The following DLG2 variants were observed in gnomAD, a reference collection of about 807,000 sequenced individuals.
DLG2 encodes disks large homolog 2.
Under a neutral mutation model 132.5 loss-of-function variants are expected in DLG2, and 45 were observed. The ratio of observed to expected loss-of-function variants is 0.34; its 90% CI spans 0.27 to 0.44. DLG2 has a LOEUF of 0.44. Ranked by LOEUF, DLG2 falls within the 20% of genes least tolerant of loss-of-function variation. The pLI, the probability that DLG2 is intolerant of heterozygous loss-of-function variation, is 1.00. For missense variants in DLG2, 1,045 were observed against 1,196.9 expected (o/e 0.87, Z 1.87); for synonymous variants, 424 against 419.6 (o/e 1.01, Z -0.13).
At chr11:85,336,913 C>T (rs912830280) in intron 3 of DLG2, among the ~76,000 whole-genome samples, 6 of 152,238 alleles carry the variant, frequency 3.9e-5, no homozygotes, top group Non-Finnish European at 8.8e-5. Context: ...CTCTAGCATT[C>T]ATCCATAGGC....
chr11:84,683,836 A>G (rs1393432575), intron 6 of DLG2, among the ~76,000 whole-genome samples: 3 of 152,178 alleles, frequency 2.0e-5, no homozygotes, highest in Non-Finnish European at 2.9e-5. Context: ...GAGGCCCTTA[A>G]TGCAAATAAG....
intron 3 of DLG2, among the ~76,000 whole-genome samples, chr11:85,418,974 A>C (rs2090083019): frequency 6.6e-6 from 1 of 152,092 alleles, no homozygotes; most frequent in Non-Finnish European, 1.5e-5. Context: ...TCCTGTCATT[A>C]TGATGCTAGC....
chr11:84,613,903 C>T (rs1321631921), intron 6 of DLG2, among the ~76,000 whole-genome samples: 2 of 152,124 alleles, frequency 1.3e-5, no homozygotes, highest in Non-Finnish European at 2.9e-5. Flanking sequence ...AAGTTGGAGG[C>T]AGTCACTGAT....
intron 7 of DLG2, among the ~76,000 whole-genome samples, chr11:84,331,105 T>C (rs1175552847): frequency 6.6e-6 from 1 of 152,230 alleles, no homozygotes; most frequent in Non-Finnish European, 1.5e-5. Flanking sequence ...CAGAAGCATC[T>C]GCAGTTTCTT....
At chr11:83,520,674 GAC>G in intron 21 of DLG2, among the ~76,000 whole-genome samples, 1 of 145,614 alleles carries the variant, frequency 6.9e-6, no homozygotes, top group East Asian at 2.0e-4. Context: ...TAGAAAGAAA[GAC>G]AGACAGGTAA....
chr11:85,102,497 A>T (rs971591598), intron 6 of DLG2, among the ~76,000 whole-genome samples: 1 of 152,114 alleles, frequency 6.6e-6, no homozygotes, highest in South Asian at 2.1e-4. Context: ...AGGGCTTCTT[A>T]ATATTCTCAA....
At chr11:84,634,702 C>G (rs2099637633) in intron 6 of DLG2, among the ~76,000 whole-genome samples, 1 of 152,080 alleles carries the variant, frequency 6.6e-6, no homozygotes, top group African/African-American at 2.4e-5. Context: ...TTAATTTATC[C>G]AAAGTTATCC....
chr11:84,789,014 G>C (rs1367439496), intron 6 of DLG2, among the ~76,000 whole-genome samples: 1 of 152,162 alleles, frequency 6.6e-6, no homozygotes, highest in Non-Finnish European at 1.5e-5. Flanking sequence ...CTTGTCTACA[G>C]AATCACTCAG....
At chr11:85,607,291 C>T (rs1201705060) in intron 2 of DLG2, among the ~76,000 whole-genome samples, 2 of 152,178 alleles carry the variant, frequency 1.3e-5, no homozygotes, top group African/African-American at 4.8e-5. Context: ...ATTGGTTTGC[C>T]TGGAACCAGC....
At chr11:84,773,306 T>C (rs914615377) in intron 6 of DLG2, among the ~76,000 whole-genome samples, 1 of 151,912 alleles carries the variant, frequency 6.6e-6, no homozygotes. Context: ...CAACCAGAAA[T>C]AGCCCTGGAG....
intron 11 of DLG2, among the ~76,000 whole-genome samples, chr11:84,029,930 G>A (rs2095646381): frequency 1.3e-5 from 2 of 152,114 alleles, no homozygotes; most frequent in South Asian, 4.1e-4. Flanking sequence ...GTTCATTTCA[G>A]TTATCATTAT....
At chr11:84,683,853 C>T (rs2099735733) in intron 6 of DLG2, among the ~76,000 whole-genome samples, 1 of 152,124 alleles carries the variant, frequency 6.6e-6, no homozygotes, top group African/African-American at 2.4e-5. Context: ...TAAGAAAGCT[C>T]TTGACTTTGT....
chr11:84,830,369 C>T (rs1021780530), intron 6 of DLG2, among the ~76,000 whole-genome samples: 11 of 147,726 alleles, frequency 7.4e-5, no homozygotes, highest in Admixed American at 3.4e-4. Context: ...GCGTCATCTA[C>T]GTTTTTTTTT....
intron 6 of DLG2, among the ~76,000 whole-genome samples, chr11:84,542,752 A>G (rs1033938536): frequency 6.6e-6 from 1 of 152,212 alleles, no homozygotes; most frequent in Non-Finnish European, 1.5e-5. Context: ...AAGGACAAAG[A>G]AAACGAGCTC....
chr11:84,420,665 T>C (rs1384003534), intron 7 of DLG2, among the ~76,000 whole-genome samples: 6 of 64,320 alleles, frequency 9.3e-5, no homozygotes, highest in African/African-American at 4.0e-4. Flanking sequence ...TTTTTTTTTT[T>C]TTTTTTTTTT....
At chr11:84,523,257 G>A (rs943467377) in intron 7 of DLG2, among the ~76,000 whole-genome samples, 13 of 152,020 alleles carry the variant, frequency 8.6e-5, no homozygotes, top group Non-Finnish European at 1.5e-4. Context: ...GACTTTCCAC[G>A]TATTATCTCA....
intron 6 of DLG2, among the ~76,000 whole-genome samples, chr11:84,964,310 A>G (rs1438917871): frequency 6.6e-6 from 1 of 152,076 alleles, no homozygotes; most frequent in Non-Finnish European, 1.5e-5. Flanking sequence ...GATCCTTGGC[A>G]TTTTTACTGA....
chr11:85,530,288 G>T (rs752285274), intron 3 of DLG2, among the ~76,000 whole-genome samples: 1 of 150,262 alleles, frequency 6.7e-6, no homozygotes, highest in Non-Finnish European at 1.5e-5. Flanking sequence ...AAGCCACTGC[G>T]CCTGGCCTTT....
chr11:85,458,716 T>C (rs2092502922), intron 3 of DLG2, among the ~76,000 whole-genome samples: 1 of 152,246 alleles, frequency 6.6e-6, no homozygotes, highest in Admixed American at 6.5e-5. Context: ...TTTTGGGCTG[T>C]GATCCAGTAG....
Sources: allele counts gnomAD v4.1 joint callset (sites outside exome capture counted in the v4.1 genomes callset), GRCh38; gene constraint gnomAD v4.1.1; transcripts MANE v1.5; gene names NCBI Gene and HGNC (gene_info 2026-07-23, HGNC 2026-07-21).